DCC: variants seen among roughly 807,000 people sequenced by gnomAD.
DCC encodes DCC netrin 1 receptor, also known as netrin receptor DCC.
In DCC, 58 loss-of-function variants were observed where a neutral mutation model predicts 172.5. That is an observed-to-expected ratio of 0.34 (90% confidence interval 0.27 to 0.42). The LOEUF is 0.42. Ranked by LOEUF, DCC falls within the 10% of genes least tolerant of loss-of-function variation. The pLI, the probability that DCC is intolerant of heterozygous loss-of-function variation, is 1.00. For missense variants in DCC, 1,740 were observed against 1,791.0 expected (o/e 0.97, Z 0.51); for synonymous variants, 709 against 644.5 (o/e 1.10, Z -1.52).
chr18:53,169,586 G>A (rs1392626827), intron 8 of DCC, among the ~76,000 whole-genome samples: 1 of 152,120 alleles, frequency 6.6e-6, no homozygotes, highest in African/African-American at 2.4e-5. Context: ...GAGAAGATTT[G>A]TCTGACAATC....
intron 1 of DCC, among the ~76,000 whole-genome samples, chr18:52,347,456 C>A (rs1983928295): frequency 6.6e-6 from 1 of 152,110 alleles, no homozygotes; most frequent in African/African-American, 2.4e-5. Context: ...GGCATTGCAT[C>A]ATACAGAACT....
intron 19 of DCC, 107 bp from the exon 20 acceptor site, chr18:53,410,345 G>A (rs1393143906): frequency 2.6e-6 from 2 of 762,366 alleles, no homozygotes; most frequent in African/African-American, 1.7e-5. Flanking sequence ...TACAGATTGT[G>A]GACATATAAT....
chr18:53,396,482 T>C (rs537396191), intron 17 of DCC, among the ~76,000 whole-genome samples: 1 of 152,340 alleles, frequency 6.6e-6, no homozygotes, highest in Non-Finnish European at 1.5e-5. Flanking sequence ...ACTTCAATAA[T>C]ACCAACACCA....
rs1180248300 is a variant in DCC at position 52,631,834 on chromosome 18, G to A, written c.92-120220G>A. Among the ~76,000 whole-genome samples, 7 of 152,292 alleles carry A rather than the reference G, an allele frequency of 4.6e-5. No homozygotes were observed. The East Asian group carries it at 1.3e-3, about 29-fold the overall frequency. ...GGACTCAAGGACTCAAGGAGGTCGA[G>A]TTCATTTTAGAGGCTTCTTAAATTG... On this transcript the variant is annotated intron_variant, in intron 1 of 28. Coordinates refer to ENST00000442544, the MANE Select transcript of DCC (RefSeq NM_005215.4).
At chr18:53,205,958 C>A (rs1416213118) in intron 10 of DCC, among the ~76,000 whole-genome samples, 1 of 151,316 alleles carries the variant, frequency 6.6e-6, no homozygotes, top group Non-Finnish European at 1.5e-5. Flanking sequence ...TTTAGGGAGA[C>A]ACATGAAACT....
chr18:52,943,060 TAC>T (rs1408010700), intron 5 of DCC, among the ~76,000 whole-genome samples: 1 of 152,212 alleles, frequency 6.6e-6, no homozygotes, highest in Non-Finnish European at 1.5e-5. Context: ...TTGTTATTTA[TAC>T]CTCTTTTGTT....
chr18:53,178,705 A>G (rs772269112), intron 8 of DCC, among the ~76,000 whole-genome samples: 2 of 152,194 alleles, frequency 1.3e-5, no homozygotes, highest in African/African-American at 4.8e-5. Flanking sequence ...TGTCGAGGAA[A>G]AAGACTTTCG....
chr18:52,578,961 C>G (rs1271893744), intron 1 of DCC, among the ~76,000 whole-genome samples: 2 of 152,114 alleles, frequency 1.3e-5, no homozygotes, highest in African/African-American at 4.8e-5. Flanking sequence ...AGCCCAGCAA[C>G]AGAGTGAGAC....
chr18:53,497,555 C>G (rs1444328812), intron 26 of DCC, among the ~76,000 whole-genome samples: 1 of 152,180 alleles, frequency 6.6e-6, no homozygotes, highest in Admixed American at 6.5e-5. Flanking sequence ...TCATAGTCTC[C>G]TTTAGATTAA....
chr18:52,950,292 C>G (rs2040615721), intron 5 of DCC, among the ~76,000 whole-genome samples: 3 of 152,174 alleles, frequency 2.0e-5, no homozygotes, highest in African/African-American at 2.4e-5. Context: ...CTTACTCTCT[C>G]TGTGTCTATA....
intron 27 of DCC, among the ~76,000 whole-genome samples, chr18:53,511,911 G>C (rs1344668820): frequency 1.3e-5 from 2 of 152,222 alleles, no homozygotes; most frequent in African/African-American, 4.8e-5. Flanking sequence ...CATTGCCCAG[G>C]CTTGCTTAGG....
intron 7 of DCC, among the ~76,000 whole-genome samples, chr18:53,120,769 T>C (rs2144287056): frequency 6.6e-6 from 1 of 151,928 alleles, no homozygotes; most frequent in African/African-American, 2.4e-5. Context: ...TTCTAATCAA[T>C]ACTAATTTTT....
intron 1 of DCC, among the ~76,000 whole-genome samples, chr18:52,372,422 C>T (rs1985161626): frequency 6.6e-6 from 1 of 152,146 alleles, no homozygotes; most frequent in Admixed American, 6.5e-5. Context: ...TTCCACAAGG[C>T]ACTCCCTGTA....
At chr18:53,202,897 T>C (rs60939828) in intron 9 of DCC, among the ~76,000 whole-genome samples, 56,005 of 151,898 alleles carry the variant, frequency 0.37, 11,115 homozygotes, top group Non-Finnish European at 0.44. Flanking sequence ...AAAATATCAG[T>C]TGCCTGAAAG....
At chr18:52,657,590 G>T (rs1214208073) in intron 1 of DCC, among the ~76,000 whole-genome samples, 1 of 152,140 alleles carries the variant, frequency 6.6e-6, no homozygotes, top group Non-Finnish European at 1.5e-5. Context: ...GCTTCAAACA[G>T]ATCTGATTCA....
At position 52,970,725 on chromosome 18, in the gene DCC, C is replaced by T. The variant is rs548448891; in HGVS notation, c.985+45355C>T. Among the ~76,000 whole-genome samples the T allele has an allele frequency of 6.6e-4, 101 of 152,132 alleles. 1 individual carries two copies. The highest frequency in any genetic ancestry group is 2.6e-3 in the Admixed American group (40 of 15,274). On this transcript the variant is annotated intron_variant, in intron 5 of 28. Transcript: ENST00000442544. ...TACTTGCCATTCATAAAATAATTCC[C>T]TTTGGTATGCCATAGACTAAGCATT... is the stretch of plus-strand genomic sequence containing the variant.
At chr18:52,641,393 C>T (rs535710480) in intron 1 of DCC, among the ~76,000 whole-genome samples, 28 of 152,166 alleles carry the variant, frequency 1.8e-4, no homozygotes, top group African/African-American at 5.8e-4. Context: ...AGTTTTTGCA[C>T]GGCAAAAGGA....
intron 23 of DCC, among the ~76,000 whole-genome samples, chr18:53,452,686 A>G (rs887935030): frequency 3.9e-5 from 6 of 152,206 alleles, no homozygotes; most frequent in Non-Finnish European, 7.3e-5. Flanking sequence ...TGAAAATCCA[A>G]GAACAGTTAG....
chr18:53,085,893 T>C (rs2042871973), intron 7 of DCC, among the ~76,000 whole-genome samples: 1 of 151,418 alleles, frequency 6.6e-6, no homozygotes, highest in Non-Finnish European at 1.5e-5. Flanking sequence ...AAGGATAAAA[T>C]TGAATATTTT....
Sources: gnomAD v4.1 joint callset for allele counts (sites outside exome capture counted in the v4.1 genomes callset) on GRCh38, gnomAD v4.1.1 for gene constraint, MANE v1.5 for transcripts, NCBI Gene and HGNC (gene_info 2026-07-23, HGNC 2026-07-21) for gene names.